STXBP6: variants seen among roughly 807,000 people sequenced by gnomAD.
STXBP6 encodes the protein syntaxin-binding protein 6.
Under a neutral mutation model 26.9 loss-of-function variants are expected in STXBP6, and 21 were observed. The ratio of observed to expected loss-of-function variants is 0.78; its 90% CI spans 0.55 to 1.12. The LOEUF (loss-of-function observed/expected upper bound fraction) is 1.12, where lower values mean the gene tolerates loss of function less well. Among genes scored for constraint, STXBP6 ranks in the 50% most tolerant of loss-of-function variants. The probability of loss-of-function intolerance (pLI) is 0.00; values close to 1 mark genes in which losing one functional copy is unlikely to be tolerated. For synonymous variants in STXBP6, 97 were observed against 92.6 expected (o/e 1.05, Z -0.27); for missense variants, 232 against 257.9 (o/e 0.90, Z 0.69).
At chr14:24,885,976 T>A (rs1472510035) in intron 2 of STXBP6, among the ~76,000 whole-genome samples, 1 of 152,230 alleles carries the variant, frequency 6.6e-6, no homozygotes, top group South Asian at 2.1e-4. Flanking sequence ...TTAGTGTTCA[T>A]GAATTTGCAC....
chr14:24,884,798 T>C (rs561321042), intron 2 of STXBP6, among the ~76,000 whole-genome samples: 297 of 152,332 alleles, frequency 1.9e-3, no homozygotes, highest in South Asian at 4.8e-3. Context: ...TTTTTATATA[T>C]TTTGCCCCAT....
At chr14:25,008,801 A>G (rs1566558206) in intron 1 of STXBP6, among the ~76,000 whole-genome samples, 1 of 152,258 alleles carries the variant, frequency 6.6e-6, no homozygotes, top group African/African-American at 2.4e-5. Context: ...TATTTTACAC[A>G]TCAGAAGCTT....
chr14:24,908,367 G>A (rs527759706), intron 2 of STXBP6, among the ~76,000 whole-genome samples: 3 of 152,242 alleles, frequency 2.0e-5, no homozygotes, highest in Non-Finnish European at 2.9e-5. Context: ...CCTCCTAAGT[G>A]GTATACACGC....
intron 4 of STXBP6, among the ~76,000 whole-genome samples, chr14:24,843,174 T>C (rs1594946137): frequency 6.6e-6 from 1 of 152,200 alleles, no homozygotes; most frequent in Non-Finnish European, 1.5e-5. Flanking sequence ...GGAATAACGA[T>C]AACTACTTTT....
chr14:24,830,424 T>C lies in STXBP6; in HGVS notation c.452-11230A>G, dbSNP rs916306224. ...ATGAGATGTATGGAAAGATTTGAGATACATATTAATGGACTGAATATGAGA... is the reference window on the plus strand; with the variant it reads ...ATGAGATGTATGGAAAGATTTGAGACACATATTAATGGACTGAATATGAGA... On this transcript the variant is annotated intron_variant, in intron 4 of 5. Coordinates refer to ENST00000323944, the MANE Select transcript of STXBP6 (RefSeq NM_001394410.1). Among the ~76,000 whole-genome samples the C allele has an allele frequency of 3.9e-5, 6 of 152,188 alleles. No homozygotes were observed. In the South Asian group the frequency reaches 1.2e-3, roughly 32 times the overall value.
intron 2 of STXBP6, among the ~76,000 whole-genome samples, chr14:24,864,965 T>C (rs1473571894): frequency 6.6e-6 from 1 of 152,110 alleles, no homozygotes; most frequent in East Asian, 1.9e-4. Flanking sequence ...GACTGGGGAG[T>C]AAAATCCAGC....
At chr14:24,850,799 C>T (rs2069125511) in intron 4 of STXBP6, among the ~76,000 whole-genome samples, 1 of 152,106 alleles carries the variant, frequency 6.6e-6, no homozygotes, top group Admixed American at 6.6e-5. Context: ...GGATGACATA[C>T]AACAGGTGAA....
chr14:24,855,804 T>C (rs2069307965), intron 4 of STXBP6, 132 bp downstream of exon 4: 4 of 762,686 alleles, frequency 5.2e-6, no homozygotes, highest in Middle Eastern at 3.3e-4. Flanking sequence ...ATGGTTCTTA[T>C]GTTGTCTAGC....
chr14:25,030,374 C>T (rs1390409296), intron 1 of STXBP6, among the ~76,000 whole-genome samples: 1 of 152,170 alleles, frequency 6.6e-6, no homozygotes, highest in Non-Finnish European at 1.5e-5. Context: ...GAGAGCCTGG[C>T]CACTTCCTTC....
chr14:24,905,276 A>G (rs1324184046), intron 2 of STXBP6, among the ~76,000 whole-genome samples: 1 of 152,206 alleles, frequency 6.6e-6, no homozygotes, highest in African/African-American at 2.4e-5. Context: ...CCTTTACACA[A>G]GATACCCTCA....
intron 1 of STXBP6, among the ~76,000 whole-genome samples, chr14:25,006,548 G>T (rs1300134735): frequency 6.6e-6 from 1 of 152,190 alleles, no homozygotes; most frequent in East Asian, 1.9e-4. Context: ...GGAAGAATCT[G>T]ATATTAGGGC....
intron 1 of STXBP6, among the ~76,000 whole-genome samples, chr14:25,046,535 TC>T (rs141145187): frequency 0.12 from 18,545 of 152,202 alleles, 1,188 homozygotes; most frequent in Middle Eastern, 0.15. Flanking sequence ...TGAGCTGGGA[TC>T]CCATTTGGCC....
intron 4 of STXBP6, among the ~76,000 whole-genome samples, chr14:24,822,991 T>C (rs1438432515): frequency 6.6e-6 from 1 of 152,162 alleles, no homozygotes; most frequent in Non-Finnish European, 1.5e-5. Context: ...GCCAACAGCA[T>C]AGTAATTCTT....
intron 2 of STXBP6, among the ~76,000 whole-genome samples, chr14:24,926,217 G>A (rs541534715): frequency 6.6e-6 from 1 of 151,882 alleles, no homozygotes; most frequent in African/African-American, 2.4e-5. Flanking sequence ...CCCTGGTGAA[G>A]AAAAGGGAAA....
At chr14:24,909,971 G>A (rs1471605531) in intron 2 of STXBP6, among the ~76,000 whole-genome samples, 2 of 151,956 alleles carry the variant, frequency 1.3e-5, no homozygotes, top group East Asian at 3.9e-4. Context: ...GTTTCCTCAT[G>A]TGTAAAAATA....
intron 2 of STXBP6, among the ~76,000 whole-genome samples, chr14:24,874,997 C>G (rs142686383): frequency 1.6e-3 from 248 of 152,320 alleles, no homozygotes; most frequent in African/African-American, 5.4e-3. Context: ...GGCCTAGAAA[C>G]TAAGCAATCC....
chr14:24,933,645 T>C (rs1301151211), intron 2 of STXBP6, among the ~76,000 whole-genome samples: 1 of 152,218 alleles, frequency 6.6e-6, no homozygotes, highest in Non-Finnish European at 1.5e-5. Context: ...GAACTGAGAT[T>C]ATCTTGTGAA....
At chr14:24,856,847 GAA>G (rs759863386) in intron 3 of STXBP6, among the ~76,000 whole-genome samples, 178 bp downstream of exon 3, 59 of 152,084 alleles carry the variant, frequency 3.9e-4, no homozygotes, top group Non-Finnish European at 6.9e-4. Flanking sequence ...TAAACATGAT[GAA>G]AAGATTTATA....
chr14:24,967,544 G>A (rs936944636), intron 2 of STXBP6, among the ~76,000 whole-genome samples: 25 of 152,076 alleles, frequency 1.6e-4, no homozygotes, highest in African/African-American at 5.8e-4. Flanking sequence ...CTCAATAAAT[G>A]GTATAACAAA....
Sources: allele counts gnomAD v4.1 joint callset (sites outside exome capture counted in the v4.1 genomes callset), GRCh38; gene constraint gnomAD v4.1.1; transcripts MANE v1.5; gene names NCBI Gene and HGNC (gene_info 2026-07-23, HGNC 2026-07-21).